MPDZ: variants seen among roughly 807,000 people sequenced by gnomAD.
The protein encoded by MPDZ is multiple PDZ domain crumbs cell polarity complex component.
A neutral mutation model predicts 239.1 loss-of-function variants in MPDZ; 234 were observed. The observed-to-expected ratio is 0.98, with a 90% CI of 0.88 to 1.09. The LOEUF is 1.09. Among genes scored for constraint, MPDZ ranks in the 50% least tolerant of loss-of-function variants. The probability of loss-of-function intolerance (pLI) is 0.00; values close to 1 mark genes in which losing one functional copy is unlikely to be tolerated. For missense variants in MPDZ, 3,175 were observed against 2,510.0 expected (o/e 1.26, Z -5.66); for synonymous variants, 1,048 against 881.3 (o/e 1.19, Z -3.35).
rs1333564047 is a variant in MPDZ, at chr9:13,205,991, C to T, written c.1399G>A (p.Glu467Lys). 1.9e-6 allele frequency: 3 copies of T among 1,612,260 alleles called. No homozygotes were observed. In the South Asian group the frequency reaches 3.3e-5, roughly 18 times the overall value. Residue 467 changes from glutamate (E) to lysine (K), a missense_variant, in exon 11 of 47, where the codon GAA (glutamate) becomes AAA (lysine). By Grantham distance (56) the Glu-to-Lys change is moderately conservative (BLOSUM62 1). Transcript: ENST00000319217. The stretch of plus-strand genomic sequence containing the variant: ...TCTTCCCTTGACATGAGCTCGGCTT[C>T]CTGCTTCATTCCTCTCCTCATTAGT... ...LTLMRRGMKQEAELMSREDVT... is the reference protein window; with the variant it reads ...LTLMRRGMKQKAELMSREDVT...
At chr9:13,141,392 G>T (rs575840268) in intron 27 of MPDZ, among the ~76,000 whole-genome samples, 1 of 152,084 alleles carries the variant, frequency 6.6e-6, no homozygotes, top group Non-Finnish European at 1.5e-5. Flanking sequence ...ATTATATCAT[G>T]TTGTCTCCTC....
At chr9:13,234,413 A>C (rs1963391145) in intron 3 of MPDZ, among the ~76,000 whole-genome samples, 1 of 152,132 alleles carries the variant, frequency 6.6e-6, no homozygotes, top group Non-Finnish European at 1.5e-5. Flanking sequence ...ATTTTTGCAT[A>C]AGTATTTCTG....
intron 24 of MPDZ, among the ~76,000 whole-genome samples, chr9:13,154,177 G>A (rs1949541089): frequency 6.6e-6 from 1 of 152,032 alleles, no homozygotes; most frequent in South Asian, 2.1e-4. Context: ...TTAAAACAAT[G>A]AAGAAGGTAA....
intron 15 of MPDZ, 135 bp downstream of exon 15, chr9:13,191,996 C>G (rs1417781181): frequency 2.6e-6 from 2 of 758,422 alleles, no homozygotes; most frequent in East Asian, 6.5e-5. Context: ...ATTTGTCTGA[C>G]TTTAAATTCT....
At chr9:13,178,111 T>C (rs1315697449) in intron 19 of MPDZ, among the ~76,000 whole-genome samples, 2 of 151,976 alleles carry the variant, frequency 1.3e-5, no homozygotes, top group Non-Finnish European at 2.9e-5. Flanking sequence ...CAAAAAAAAT[T>C]AGCCGGGCGT....
At chr9:13,130,736 A>T (rs1299292657) in intron 32 of MPDZ, among the ~76,000 whole-genome samples, 1 of 152,244 alleles carries the variant, frequency 6.6e-6, no homozygotes, top group Non-Finnish European at 1.5e-5. Context: ...AGTTAAAAGA[A>T]ATCAGAAAGA....
intron 3 of MPDZ, among the ~76,000 whole-genome samples, chr9:13,226,101 A>T (rs1232368601): frequency 6.6e-6 from 1 of 152,038 alleles, no homozygotes; most frequent in Non-Finnish European, 1.5e-5. Flanking sequence ...TTAACTTTGT[A>T]GCTGGACCCT....
In MPDZ at chr9:13,165,434, C is replaced by T. The variant is rs548906097; in HGVS notation, c.3255-2639G>A. On this transcript the variant is annotated intron_variant, in intron 22 of 46. Coordinates refer to ENST00000319217, the MANE Select transcript of MPDZ (RefSeq NM_001378778.1). ...CTAGAATGTGAAGCATACGCCGCGG[C>T]ATCTTTTTACAATGGTGTTAACAAA... 5.2e-6 allele frequency: 8 copies of T among 1,547,796 alleles called. No homozygotes were observed. In the East Asian group the frequency reaches 7.3e-5, roughly 14 times the overall value.
chr9:13,250,797 A>G (rs1429015435), intron 1 of MPDZ, among the ~76,000 whole-genome samples: 1 of 152,060 alleles, frequency 6.6e-6, no homozygotes, highest in Admixed American at 6.6e-5. Context: ...AAAGGCTCAC[A>G]CTCCTAACTG....
At chr9:13,154,057 G>A (rs1949527338) in intron 24 of MPDZ, among the ~76,000 whole-genome samples, 1 of 152,098 alleles carries the variant, frequency 6.6e-6, no homozygotes, top group Non-Finnish European at 1.5e-5. Flanking sequence ...TTACAAAGAA[G>A]AGAAGAGACA....
intron 10 of MPDZ, among the ~76,000 whole-genome samples, chr9:13,207,110 T>C (rs1363030219): frequency 6.6e-6 from 1 of 152,170 alleles, no homozygotes; most frequent in Admixed American, 6.6e-5. Context: ...TGCACTGATG[T>C]ATCACAAGGT....
chr9:13,265,623 C>T (rs140766219), intron 1 of MPDZ, among the ~76,000 whole-genome samples: 4 of 152,150 alleles, frequency 2.6e-5, no homozygotes, highest in African/African-American at 9.7e-5. Flanking sequence ...ACCCATGGGA[C>T]CCAGAAATAT....
In MPDZ at chr9:13,167,910, A is replaced by T. The variant is rs1260432816; in HGVS notation, c.3254+456T>A. On this transcript the variant is annotated intron_variant, in intron 22 of 46. Coordinates refer to ENST00000319217, the MANE Select transcript of MPDZ (RefSeq NM_001378778.1). ...TCATGAGATAGCTCAAGAAACGGTA[A>T]GTTTTGGGTCAGATGGACACTGTTT... Among the ~76,000 whole-genome samples, 10 of 152,144 alleles carry T rather than the reference A, an allele frequency of 6.6e-5. No homozygotes were observed. In the East Asian group the frequency reaches 1.9e-3, roughly 29 times the overall value.
Position 13,126,790 on chromosome 9 carries a change from A to G in MPDZ, c.4465-18T>C, listed in dbSNP as rs1212538369. The G allele has an allele frequency of 1.2e-6, 2 of 1,600,256 alleles. No homozygotes were observed. The highest frequency in any genetic ancestry group is 1.1e-5 in the South Asian group (1 of 90,802). On this transcript the variant is annotated intron_variant, in intron 32 of 46. Coordinates refer to ENST00000319217, the MANE Select transcript of MPDZ (RefSeq NM_001378778.1). ...CCCTGATCCTAGAAAAGTAAAAACA[A>G]AAATGCTCAGAAGACTTGAAACAGA... is the stretch of plus-strand genomic sequence containing the variant.
chr9:13,246,520 C>T (rs17273898), intron 3 of MPDZ, among the ~76,000 whole-genome samples: 63,293 of 152,052 alleles, frequency 0.42, 16,180 homozygotes, highest in Middle Eastern at 0.56. Context: ...AACAACAACA[C>T]CTTAAATTCA....
chr9:13,113,865 CA>C, intron 41 of MPDZ, 65 bp downstream of exon 41: 2 of 1,264,218 alleles, frequency 1.6e-6, no homozygotes, highest in Non-Finnish European at 2.2e-6. Flanking sequence ...CAGAGGTAAA[CA>C]AGACAAAAAA....
rs141408691 is a variant in MPDZ, at chr9:13,214,164, C to T, written c.1290+2610G>A. 1.1e-3 allele frequency among the ~76,000 whole-genome samples: 168 copies of T among 152,046 alleles called. 1 individual carries two copies. Among genetic ancestry groups the T allele is most frequent in the African/African-American group, 3.8e-3 (158 of 41,504 alleles). The stretch of plus-strand genomic sequence containing the variant: ...ATTCATAACAGCTAAAAAGTAGAAA[C>T]AACCCGAATGTCCATCAATTGATGA... On this transcript the variant is annotated intron_variant, in intron 10 of 46. Coordinates refer to ENST00000319217, the MANE Select transcript of MPDZ (RefSeq NM_001378778.1).
At chr9:13,112,740 A>G (rs968471065) in intron 42 of MPDZ, among the ~76,000 whole-genome samples, 2 of 152,218 alleles carry the variant, frequency 1.3e-5, no homozygotes, top group Admixed American at 6.5e-5. Flanking sequence ...AGGTTTACTT[A>G]TAAGAAGTGA....
intron 10 of MPDZ, among the ~76,000 whole-genome samples, chr9:13,212,590 C>G (rs1250365793): frequency 6.6e-6 from 1 of 151,616 alleles, no homozygotes; most frequent in Admixed American, 6.6e-5. Flanking sequence ...GTCAAGAAGT[C>G]AGTTCAGAAC....
Sources: allele counts gnomAD v4.1 joint callset (sites outside exome capture counted in the v4.1 genomes callset), GRCh38; gene constraint gnomAD v4.1.1; transcripts MANE v1.5; gene names NCBI Gene and HGNC (gene_info 2026-07-23, HGNC 2026-07-21).